LRRC19: variants seen among roughly 807,000 people sequenced by gnomAD.
LRRC19 encodes leucine rich repeat containing 19, also known as leucine-rich repeat-containing protein 19.
A neutral mutation model predicts 33.3 loss-of-function variants in LRRC19; 33 were observed. That is an observed-to-expected ratio of 0.99 (90% CI 0.75 to 1.33). The LOEUF (loss-of-function observed/expected upper bound fraction) is 1.33, where lower values mean the gene tolerates loss of function less well. Ranked by LOEUF, LRRC19 falls within the 40% of genes most tolerant of loss-of-function variation. LRRC19 has a pLI of 0.00. For missense variants in LRRC19, 463 were observed against 417.3 expected, an observed-to-expected ratio of 1.11 and a Z score of -0.95; for synonymous variants, 184 against 152.3, an observed-to-expected ratio of 1.21 and a Z score of -1.53.
At chr9:26,999,842 G>A (rs12352442) in intron 1 of LRRC19, 139 bp from the exon 2 acceptor site, 232,716 of 524,314 alleles carry the variant, frequency 0.44, 57,137 homozygotes, top group Non-Finnish European at 0.51. Context: ...CATGGTCACA[G>A]CTCACTGCAG....
chr9:26,993,946 T>TA lies in LRRC19; in HGVS notation c.*1574dup, dbSNP rs1252196415. 1 of 152,162 alleles carries TA rather than the reference T, an allele frequency of 6.6e-6. No homozygotes were observed. Among genetic ancestry groups the TA allele is most frequent in the African/African-American group, 2.4e-5 (1 of 41,430 alleles). 9.4% of individuals were successfully genotyped at this position (152,162 alleles called of 1,614,324 possible). ...TTTCTCTGCATATGAAGGTAAAAATTATAGATTGTGCTACAGTTTTTAATG... is the reference window on the plus strand; with the variant it reads ...TTTCTCTGCATATGAAGGTAAAAATTAATAGATTGTGCTACAGTTTTTAATG... On this transcript the variant is annotated 3_prime_UTR_variant, in exon 5 of 5. Coordinates refer to ENST00000380055, the MANE Select transcript of LRRC19 (RefSeq NM_022901.3).
intron 1 of LRRC19, 71 bp from the exon 2 acceptor site, chr9:26,999,774 T>A: frequency 5.9e-6 from 4 of 672,982 alleles, no homozygotes; most frequent in Non-Finnish European, 6.5e-6. Flanking sequence ...TTTATTCTTT[T>A]TTTTTTTTTT....
In LRRC19 at chr9:26,997,709, C is replaced by T; in HGVS notation, c.595+19G>A. On this transcript the variant is annotated intron_variant, in intron 3 of 4. Transcript: ENST00000380055. ...TTGAGTTAATCACATTTTGGTTTTG[C>T]TTAATTATGATAGCTTACCTAATGT... The T allele has an allele frequency of 6.4e-7, 1 of 1,566,322 alleles. No individual in the cohort carries two copies. Among genetic ancestry groups the T allele is most frequent in the Non-Finnish European group, 8.6e-7 (1 of 1,162,296 alleles).
chr9:26,999,593 A>G (rs1297689243), intron 2 of LRRC19, 21 bp downstream of exon 2: 5 of 1,506,860 alleles, frequency 3.3e-6, no homozygotes, highest in East Asian at 2.3e-5. Context: ...TATTTTTACT[A>G]TTTTGATTGT....
In LRRC19 at chr9:26,993,468, A is replaced by G. The variant is rs1471566402; in HGVS notation, c.*2053T>C. On this transcript the variant is annotated 3_prime_UTR_variant, in exon 5 of 5. Coordinates refer to ENST00000380055, the MANE Select transcript of LRRC19 (RefSeq NM_022901.3). Reference sequence around the variant, plus strand: ...TGTCTGTAAACACAAGCAAATATGTATTATAAATTAGTAAGTTCTTCTATT... The same window carrying G: ...TGTCTGTAAACACAAGCAAATATGTGTTATAAATTAGTAAGTTCTTCTATT... 1 of 152,578 alleles carries G rather than the reference A, an allele frequency of 6.6e-6. No individual in the cohort carries two copies. The highest frequency in any genetic ancestry group is 1.5e-5 in the Non-Finnish European group (1 of 67,996). The allele number at this position is 152,578 out of a possible 1,614,324, so 9.5% of individuals were successfully genotyped here.
intron 1 of LRRC19, among the ~76,000 whole-genome samples, chr9:27,000,405 C>T (rs1308625491): frequency 1.3e-5 from 2 of 152,096 alleles, no homozygotes; most frequent in Non-Finnish European, 2.9e-5. Context: ...CAATTTTAGG[C>T]ATTATCTATT....
intron 1 of LRRC19, among the ~76,000 whole-genome samples, 165 bp downstream of exon 1, chr9:27,005,427 T>G (rs897325313): frequency 1.5e-5 from 2 of 136,872 alleles, no homozygotes; most frequent in African/African-American, 2.7e-5. Context: ...TTTGGCCATG[T>G]CTCAGGTATA....
In LRRC19 at chr9:26,994,610, T is replaced by A. The variant is rs1295385431; in HGVS notation, c.*911A>T. 6.6e-6 allele frequency: 1 copy of A among 152,480 alleles called. No homozygotes were observed. Among genetic ancestry groups the A allele is most frequent in the African/African-American group, 2.4e-5 (1 of 41,370 alleles). The allele number at this position is 152,480 out of a possible 1,614,324, so 9.4% of individuals were successfully genotyped here. A position where few individuals can be genotyped will look rare whatever the true frequency, so the allele number is the denominator to read the frequency against. ...AACTACTAGTTTTTCCTGTAGTAAT[T>A]TGACCATGTACCTCCTTCTTCTTCT... is the stretch of plus-strand genomic sequence containing the variant. On this transcript the variant is annotated 3_prime_UTR_variant, in exon 5 of 5. Coordinates refer to ENST00000380055, the MANE Select transcript of LRRC19 (RefSeq NM_022901.3).
chr9:26,996,717 T>C (rs1217191488), intron 3 of LRRC19, among the ~76,000 whole-genome samples: 1 of 152,186 alleles, frequency 6.6e-6, no homozygotes, highest in African/African-American at 2.4e-5. Context: ...TGTTATTTAG[T>C]TTATCTGTAT....
chr9:27,003,030 T>G (rs1458019127), intron 1 of LRRC19, among the ~76,000 whole-genome samples: 1 of 152,178 alleles, frequency 6.6e-6, no homozygotes, highest in Non-Finnish European at 1.5e-5. Flanking sequence ...TTCCAAGGTA[T>G]TTTATATTCT....
At position 26,999,699 on chromosome 9, in the gene LRRC19, C is replaced by T. The variant is rs1007376039; in HGVS notation, c.-5G>A. The T allele has an allele frequency of 8.2e-6, 13 of 1,593,484 alleles. No homozygotes were observed. Among genetic ancestry groups the T allele is most frequent in the African/African-American group, 4.1e-5 (3 of 73,892 alleles). On this transcript the variant is annotated 5_prime_UTR_variant, in exon 2 of 5. Transcript: ENST00000380055. ...TGTGATGCCTGTGACTTTCATGTTG[C>T]AGACCTGATAGAAAAGAGAGTATTT...
At chr9:27,003,395 C>T (rs1311361873) in intron 1 of LRRC19, among the ~76,000 whole-genome samples, 1 of 151,998 alleles carries the variant, frequency 6.6e-6, no homozygotes, top group Non-Finnish European at 1.5e-5. Context: ...CAGTGGCAGG[C>T]ACCTGTAATC....
chr9:27,000,351 A>G (rs1284243528), intron 1 of LRRC19, among the ~76,000 whole-genome samples: 2 of 152,242 alleles, frequency 1.3e-5, no homozygotes, highest in Non-Finnish European at 2.9e-5. Flanking sequence ...ACGTATATTT[A>G]TGCATGTTTA....
chr9:26,996,204 G>T, intron 4 of LRRC19, 107 bp downstream of exon 4: 1 of 718,780 alleles, frequency 1.4e-6, no homozygotes, highest in Non-Finnish European at 2.0e-6. Flanking sequence ...TTGAGATGAG[G>T]AATCTTTCTT....
At chr9:26,999,767 ATTC>A (rs1310407591) in intron 1 of LRRC19, 64 bp from the exon 2 acceptor site, 39 of 458,056 alleles carry the variant, frequency 8.5e-5, no homozygotes, top group Non-Finnish European at 1.3e-4. Flanking sequence ...GAATCTGTTT[ATTC>A]TTTTTTTTTT....
intron 4 of LRRC19, 124 bp from the exon 5 acceptor site, chr9:26,995,973 T>C (rs1828134338): frequency 1.3e-6 from 1 of 755,828 alleles, no homozygotes; most frequent in South Asian, 2.6e-5. Flanking sequence ...TGTAGTTTTC[T>C]TTAGATTTTG....
chr9:26,997,143 C>A (rs1004696972), intron 3 of LRRC19, among the ~76,000 whole-genome samples: 2 of 150,606 alleles, frequency 1.3e-5, no homozygotes, highest in Non-Finnish European at 3.0e-5. Context: ...ACCTGGGAGG[C>A]GGAGGTTGTG....
intron 1 of LRRC19, among the ~76,000 whole-genome samples, chr9:27,000,085 A>G (rs1208718642): frequency 6.6e-6 from 1 of 152,148 alleles, no homozygotes; most frequent in East Asian, 1.9e-4. Flanking sequence ...TGGCCTTTCA[A>G]ATCTACTTTT....
chr9:26,996,068 T>C (rs1481001664), intron 4 of LRRC19, among the ~76,000 whole-genome samples: 1 of 152,198 alleles, frequency 6.6e-6, no homozygotes, highest in Non-Finnish European at 1.5e-5. Context: ...TGATTTATAC[T>C]CGTTAAGATT....
Sources: allele counts gnomAD v4.1 joint callset (sites outside exome capture counted in the v4.1 genomes callset), GRCh38; gene constraint gnomAD v4.1.1; transcripts MANE v1.5; gene names NCBI Gene and HGNC (gene_info 2026-07-23, HGNC 2026-07-21).